Variants in FAM81B observed in about 807,000 individuals in gnomAD.
FAM81B encodes the protein family with sequence similarity 81 member B, also known as protein FAM81B.
FAM81B carries 60 observed loss-of-function variants against 58.7 expected under a neutral mutation model. The ratio of observed to expected loss-of-function variants is 1.02; its 90% confidence interval spans 0.83 to 1.27. The LOEUF (loss-of-function observed/expected upper bound fraction) is 1.27. Among genes scored for constraint, FAM81B ranks in the 50% most tolerant of loss-of-function variants. The probability of loss-of-function intolerance (pLI) is 0.00; values close to 1 mark genes in which losing one functional copy is unlikely to be tolerated. For missense variants in FAM81B, 491 were observed against 522.0 expected (o/e 0.94, Z 0.58); for synonymous variants, 189 against 179.6 (o/e 1.05, Z -0.42).
intron 3 of FAM81B, among the ~76,000 whole-genome samples, chr5:95,408,133 G>C (rs1381799968): frequency 6.6e-6 from 1 of 151,938 alleles, no homozygotes; most frequent in Non-Finnish European, 1.5e-5. Flanking sequence ...GGGAGGAAGA[G>C]AGAGAAAGAG....
intron 3 of FAM81B, among the ~76,000 whole-genome samples, chr5:95,402,290 C>G (rs866334030): frequency 6.6e-6 from 1 of 152,160 alleles, no homozygotes; most frequent in Non-Finnish European, 1.5e-5. Context: ...TATTCTCTGT[C>G]CTTGTGGCAA....
At chr5:95,431,454 C>A (rs1402327456) in intron 6 of FAM81B, among the ~76,000 whole-genome samples, 1 of 151,738 alleles carries the variant, frequency 6.6e-6, no homozygotes, top group East Asian at 1.9e-4. Context: ...GTTGTTTTTG[C>A]TTATAATTTT....
chr5:95,396,313 T>A (rs927667359), intron 3 of FAM81B, 138 bp downstream of exon 3: 8 of 617,652 alleles, frequency 1.3e-5, no homozygotes, highest in Middle Eastern at 4.4e-4. Flanking sequence ...TTAAGTTCTC[T>A]GCATTCAGAA....
At chr5:95,430,067 G>T (rs1370844111) in intron 6 of FAM81B, among the ~76,000 whole-genome samples, 1 of 152,102 alleles carries the variant, frequency 6.6e-6, no homozygotes, top group East Asian at 1.9e-4. Context: ...TATAATGAAA[G>T]CTATACAGTT....
At chr5:95,395,821 T>G (rs1761951068) in intron 2 of FAM81B, among the ~76,000 whole-genome samples, 1 of 152,238 alleles carries the variant, frequency 6.6e-6, no homozygotes. Context: ...TCATTAGATA[T>G]TTCATTTTAA....
Position 95,413,934 on chromosome 5 carries a change from T to C in FAM81B, c.294-13T>C. ...GTAATGCCCTGGTGTTTCCTTTTCC[T>C]TTTTCTGATCAGGAGTCATGCTTTT... is the stretch of plus-strand genomic sequence containing the variant. On this transcript the variant is annotated splice_polypyrimidine_tract_variant and intron_variant, in intron 3 of 9. Transcript: ENST00000283357. The C allele has an allele frequency of 6.2e-6, 10 of 1,603,008 alleles. No individual in the cohort carries two copies. The highest frequency in any genetic ancestry group is 8.5e-6 in the Non-Finnish European group (10 of 1,175,186).
At chr5:95,409,301 A>T (rs1183457832) in intron 3 of FAM81B, among the ~76,000 whole-genome samples, 1 of 151,838 alleles carries the variant, frequency 6.6e-6, no homozygotes, top group African/African-American at 2.4e-5. Flanking sequence ...TGGGACTACA[A>T]GCGTGTGCCA....
At chr5:95,396,491 T>C (rs1302283655) in intron 3 of FAM81B, 1 of 192,354 alleles carries the variant, frequency 5.2e-6, no homozygotes, top group East Asian at 1.3e-4. Context: ...TATAGCTAAC[T>C]ATTGACTTCA....
At chr5:95,440,658 A>T in intron 7 of FAM81B, 1 of 876,240 alleles carries the variant, frequency 1.1e-6, no homozygotes, top group South Asian at 1.7e-5. Context: ...TGATCCAAGG[A>T]CAGACCACAG....
At chr5:95,445,139 T>C (rs1745505429) in intron 7 of FAM81B, among the ~76,000 whole-genome samples, 1 of 152,230 alleles carries the variant, frequency 6.6e-6, no homozygotes, top group Non-Finnish European at 1.5e-5. Flanking sequence ...GAGGCATGTA[T>C]ATGGAGTGTA....
chr5:95,423,891 G>A (rs987986737), intron 5 of FAM81B, among the ~76,000 whole-genome samples: 1 of 152,134 alleles, frequency 6.6e-6, no homozygotes, highest in African/African-American at 2.4e-5. Context: ...AATTTTGAGA[G>A]ACATTGGCAA....
Position 95,428,556 on chromosome 5 carries a change from A to T in FAM81B, c.657-47A>T, listed in dbSNP as rs571687149. 6 of 1,606,556 alleles carry T rather than the reference A, an allele frequency of 3.7e-6. No homozygotes were observed. The South Asian group carries it at 6.7e-5, about 18-fold the overall frequency. ...TGCAGGTGTCTACTATAGTGTTAAA[A>T]ATGTTATAAAGGTATTGATCCACAC... On this transcript the variant is annotated intron_variant, in intron 5 of 9. Coordinates refer to ENST00000283357, the MANE Select transcript of FAM81B (RefSeq NM_152548.3).
At chr5:95,406,330 C>T (rs1322290301) in intron 3 of FAM81B, 2 of 154,326 alleles carry the variant, frequency 1.3e-5, no homozygotes, top group Non-Finnish European at 2.9e-5. Flanking sequence ...CAACTAACTT[C>T]AATTAGTTAT....
At chr5:95,408,482 C>A (rs1762323793) in intron 3 of FAM81B, among the ~76,000 whole-genome samples, 1 of 152,186 alleles carries the variant, frequency 6.6e-6, no homozygotes, top group Non-Finnish European at 1.5e-5. Flanking sequence ...CGGAAATCAT[C>A]CAACTTGGTT....
Position 95,450,312 on chromosome 5 carries a change from C to T in FAM81B, c.*30C>T. The T allele has an allele frequency of 6.2e-7, 1 of 1,602,634 alleles. No homozygotes were observed. Among genetic ancestry groups the T allele is most frequent in the Non-Finnish European group, 8.5e-7 (1 of 1,176,288 alleles). ...TTTCAGTCATCTTCTTTTTCATCAG[C>T]CAATGGAGTGATTTGTTGGAAAAAG... is the stretch of plus-strand genomic sequence containing the variant. On this transcript the variant is annotated 3_prime_UTR_variant, in exon 10 of 10. Transcript: ENST00000283357.
rs542927738 is a variant in FAM81B, at chr5:95,395,253, C to A, written c.229-858C>A. On this transcript the variant is annotated intron_variant, in intron 2 of 9. Transcript: ENST00000283357. Reference sequence around the variant, plus strand: ...AGGAGATCGAGACCATCCTGGCTAACATGGTAAAACCCCATCTCTACTAAA... The same window carrying A: ...AGGAGATCGAGACCATCCTGGCTAAAATGGTAAAACCCCATCTCTACTAAA... 2.0e-5 allele frequency among the ~76,000 whole-genome samples: 3 copies of A among 152,030 alleles called. No homozygotes were observed. In the East Asian group the frequency reaches 5.8e-4, roughly 29 times the overall value.
rs1762473024 is a variant in FAM81B at position 95,414,060 on chromosome 5, AG to A, written c.409del (p.Glu137ArgfsTer45). On this transcript the variant is annotated frameshift_variant, in exon 4 of 10. Coordinates refer to ENST00000283357, the MANE Select transcript of FAM81B (RefSeq NM_152548.3). LOFTEE classifies it high-confidence loss of function. Reference protein sequence around the residue: ...AFLLEQAFRIKEDISACLQGT... With the variant: ...AFLLEQAFRIXEDISACLQGT... ...CTTCTTGAACAAGCCTTCCGCATCAAGGAGGACATCTCTGCTTGCCTGCAGG... is the reference window on the plus strand; with the variant it reads ...CTTCTTGAACAAGCCTTCCGCATCAAGAGGACATCTCTGCTTGCCTGCAGG... 6.2e-7 allele frequency: 1 copy of A among 1,613,992 alleles called. No individual in the cohort carries two copies.
chr5:95,404,157 G>A (rs1284294683), intron 3 of FAM81B, among the ~76,000 whole-genome samples: 2 of 152,116 alleles, frequency 1.3e-5, no homozygotes, highest in African/African-American at 4.8e-5. Context: ...AGAAAATAAT[G>A]AGCAAATCTG....
chr5:95,392,740 G>A, intron 1 of FAM81B, 54 bp from the exon 2 acceptor site: 3 of 1,487,926 alleles, frequency 2.0e-6, no homozygotes, highest in Non-Finnish European at 2.7e-6. Context: ...TAGCAGCACT[G>A]CAAAAATTCA....
Sources: allele counts gnomAD v4.1 joint callset (sites outside exome capture counted in the v4.1 genomes callset), GRCh38; gene constraint gnomAD v4.1.1; transcripts MANE v1.5; gene names NCBI Gene and HGNC (gene_info 2026-07-23, HGNC 2026-07-21).